Variants in CACNA1S observed in about 807,000 individuals in gnomAD.
CACNA1S encodes the protein voltage-dependent L-type calcium channel subunit alpha-1S.
A neutral mutation model predicts 207.4 loss-of-function variants in CACNA1S; 126 were observed. The ratio of observed to expected loss-of-function variants is 0.61; its 90% CI spans 0.53 to 0.70. The LOEUF is 0.70. Ranked by LOEUF, CACNA1S falls within the 30% of genes least tolerant of loss-of-function variation. CACNA1S has a pLI of 0.00. For missense variants in CACNA1S, 2,349 were observed against 2,422.8 expected (o/e 0.97, Z 0.64); for synonymous variants, 960 against 932.7 (o/e 1.03, Z -0.53).
chr1:201,098,885 A>G (rs947980217), intron 2 of CACNA1S, among the ~76,000 whole-genome samples: 1 of 152,160 alleles, frequency 6.6e-6, no homozygotes, highest in Non-Finnish European at 1.5e-5. Flanking sequence ...CCTTCCATAG[A>G]CAAGCCTCTA....
chr1:201,059,238 A>T lies in CACNA1S; in HGVS notation c.3476T>A (p.Ile1159Asn), dbSNP rs1433040020. The T allele has an allele frequency of 6.2e-7, 1 of 1,614,076 alleles. No homozygotes were observed. The highest frequency in any genetic ancestry group is 1.1e-5 in the South Asian group (1 of 91,080). The change falls in exon 27 of 44, where the codon ATC (isoleucine) becomes AAC (asparagine). Residue 1159 changes from isoleucine to asparagine, a missense_variant. Coordinates refer to ENST00000362061, the MANE Select transcript of CACNA1S (RefSeq NM_000069.3). ...ISDILNVAFT[I>N]IFTLEMILKL... ...GAGGATCATCTCCAGGGTGAAGATG[A>T]TAGTGAAGGCCACATTGAGGATGTC...
intron 3 of CACNA1S, 122 bp from the exon 4 acceptor site, chr1:201,092,236 C>A: frequency 2.1e-6 from 2 of 965,968 alleles, no homozygotes; most frequent in Non-Finnish European, 3.3e-6. Context: ...GGAGAGACGG[C>A]AAATACGGGT....
intron 15 of CACNA1S, 66 bp downstream of exon 15, chr1:201,073,483 A>G: frequency 7.7e-7 from 1 of 1,296,888 alleles, no homozygotes; most frequent in Non-Finnish European, 1.1e-6. Context: ...ACCCTGTGGT[A>G]TGAAGGGAAC....
rs200134480 is a variant in CACNA1S, at chr1:201,066,869, G to A, written c.2657+18C>T. The A allele has an allele frequency of 4.4e-6, 7 of 1,588,918 alleles. No homozygotes were observed. The highest frequency in any genetic ancestry group is 6.0e-6 in the Non-Finnish European group (7 of 1,157,128). ...AGAGGGTGGTCTGTGCCCAGGGCTG[G>A]CCCTTGCCGCTGCTCACTCAAGTCC... On this transcript the variant is annotated intron_variant, in intron 20 of 43. Coordinates refer to ENST00000362061, the MANE Select transcript of CACNA1S (RefSeq NM_000069.3). The surrounding 1 kb of genome is among the most constrained non-coding windows in gnomAD (Gnocchi z 4.3).
intron 28 of CACNA1S, among the ~76,000 whole-genome samples, chr1:201,057,458 T>G (rs1425963984): frequency 6.6e-6 from 1 of 152,254 alleles, no homozygotes; most frequent in African/African-American, 2.4e-5. Flanking sequence ...GTACTTGTCA[T>G]ACCTGTCATA....
At chr1:201,084,892 C>A in intron 9 of CACNA1S, 58 bp downstream of exon 9, 1 of 1,180,220 alleles carries the variant, frequency 8.5e-7, no homozygotes. Context: ...TGGACTCTAC[C>A]CTCATGTCTC....
Position 201,075,594 on chromosome 1 carries a change from T to C in CACNA1S, c.1849A>G (p.Thr617Ala), listed in dbSNP as rs1047863274. The C allele has an allele frequency of 1.1e-5, 18 of 1,613,980 alleles. No individual in the cohort carries two copies. The highest frequency in any genetic ancestry group is 1.5e-5 in the Non-Finnish European group (18 of 1,179,974). The stretch of plus-strand genomic sequence containing the variant: ...ATGATCCCATTGTACATCATTGAGG[T>C]CCAGTCTTCCCCTGTCAGTACCTGT... Reference protein sequence around the residue: ...VFQVLTGEDWTSMMYNGIMAY... With the variant: ...VFQVLTGEDWASMMYNGIMAY... Residue 617 changes from threonine (T) to alanine (A), a missense_variant, in exon 13 of 44, where the codon ACC (threonine) becomes GCC (alanine). By Grantham distance (58) the Thr-to-Ala change is moderately conservative. Transcript: ENST00000362061.
intron 24 of CACNA1S, 33 bp downstream of exon 24, chr1:201,061,910 TC>T: frequency 1.2e-6 from 2 of 1,613,308 alleles, no homozygotes; most frequent in Non-Finnish European, 1.7e-6. Context: ...CCTGACCATG[TC>T]CATGAGGGAC....
intron 2 of CACNA1S, among the ~76,000 whole-genome samples, chr1:201,102,279 C>G (rs1662702918): frequency 6.6e-6 from 1 of 152,200 alleles, no homozygotes. Context: ...AGGCCAGACA[C>G]TCTTCCTTGG....
rs183182464 is a variant in CACNA1S at position 201,060,523 on chromosome 1, A to G, written c.3414+135T>C. On this transcript the variant is annotated intron_variant, in intron 26 of 43. Transcript: ENST00000362061. ...TGTGCGCAGTTCACTTCTGTATTCC[A>G]TGTAGCACCTCAGCACACAGTGCAC... The G allele has an allele frequency of 3.5e-3, 3,224 of 917,428 alleles. 25 individuals are homozygous for G. Among genetic ancestry groups the G allele is most frequent in the South Asian group, 0.012 (817 of 66,268 alleles). 56.8% of individuals were successfully genotyped at this position (917,428 alleles called of 1,614,324 possible). A position where few individuals can be genotyped will look rare whatever the true frequency, so the allele number is the denominator to read the frequency against.
intron 2 of CACNA1S, among the ~76,000 whole-genome samples, chr1:201,105,297 C>T (rs7411380): frequency 0.02 from 3,099 of 152,308 alleles, 129 homozygotes; most frequent in African/African-American, 0.071. Context: ...TGAGCCTGCT[C>T]TGTGGGGCCT....
intron 12 of CACNA1S, among the ~76,000 whole-genome samples, chr1:201,076,568 C>T (rs1034058339): frequency 6.6e-6 from 1 of 152,206 alleles, no homozygotes; most frequent in African/African-American, 2.4e-5. Context: ...GAAAAAGCTC[C>T]CCTTATCTGA....
intron 2 of CACNA1S, among the ~76,000 whole-genome samples, chr1:201,104,398 CTT>C (rs1662799763): frequency 6.6e-6 from 1 of 152,226 alleles, no homozygotes; most frequent in South Asian, 2.1e-4. Context: ...GGGAATGTAA[CTT>C]TGTTTAGCTC....
intron 2 of CACNA1S, among the ~76,000 whole-genome samples, chr1:201,097,863 C>A (rs1436882810): frequency 2.0e-5 from 3 of 152,180 alleles, no homozygotes; most frequent in Admixed American, 6.5e-5. Context: ...GGTCCCCCGA[C>A]ACAGATGAAA....
chr1:201,098,037 TA>T (rs1662502566), intron 2 of CACNA1S, among the ~76,000 whole-genome samples: 1 of 152,210 alleles, frequency 6.6e-6, no homozygotes, highest in East Asian at 1.9e-4. Flanking sequence ...TCTATCTTCT[TA>T]GCCTGATTTG....
chr1:201,101,034 C>T (rs904713628), intron 2 of CACNA1S, among the ~76,000 whole-genome samples: 11 of 145,174 alleles, frequency 7.6e-5, no homozygotes, highest in East Asian at 2.1e-4. Flanking sequence ...CTCATCCAAG[C>T]GTTTTACATT....
chr1:201,053,965 AG>A lies in CACNA1S; in HGVS notation c.3667-379del, dbSNP rs1454009508. 6.6e-6 allele frequency among the ~76,000 whole-genome samples: 1 copy of A among 152,006 alleles called. No homozygotes were observed. Among genetic ancestry groups the A allele is most frequent in the Non-Finnish European group, 1.5e-5 (1 of 67,922 alleles). On this transcript the variant is annotated intron_variant, in intron 29 of 43. Coordinates refer to ENST00000362061, the MANE Select transcript of CACNA1S (RefSeq NM_000069.3). The surrounding 1 kb of genome is among the most constrained non-coding windows in gnomAD (Gnocchi z 5.1). Reference sequence around the variant, plus strand: ...AGTCGAGGACCCTGGTGGCCCTCCTAGGGCTCCTCCCCTGGCGTCCTCCCAG... The same window carrying A: ...AGTCGAGGACCCTGGTGGCCCTCCTAGGCTCCTCCCCTGGCGTCCTCCCAG...
chr1:201,043,603 A>G, intron 39 of CACNA1S, 72 bp from the exon 40 acceptor site: 2 of 1,377,456 alleles, frequency 1.5e-6, no homozygotes, highest in East Asian at 2.3e-5. Flanking sequence ...ACTCTGGGAC[A>G]GTGGTATTGG....
chr1:201,082,086 T>C (rs1334179381), intron 10 of CACNA1S, among the ~76,000 whole-genome samples: 1 of 145,888 alleles, frequency 6.9e-6, no homozygotes, highest in Admixed American at 7.3e-5. Context: ...TGGAGTGCAG[T>C]GGTGCAATCT....
Sources: gnomAD v4.1 joint callset for allele counts (sites outside exome capture counted in the v4.1 genomes callset) on GRCh38, gnomAD v4.1.1 for gene constraint, Gnocchi (gnomAD v3.1) non-coding constraint, MANE v1.5 for transcripts, NCBI Gene and HGNC (gene_info 2026-07-23, HGNC 2026-07-21) for gene names.